The following NAALADL2 variants were observed in gnomAD, a reference collection of about 807,000 sequenced individuals.
The protein encoded by NAALADL2 is N-acetylated alpha-linked acidic dipeptidase like 2.
Under a neutral mutation model 87.2 loss-of-function variants are expected in NAALADL2, and 76 were observed. That is an observed-to-expected ratio of 0.87 (90% CI 0.72 to 1.05). NAALADL2 has a LOEUF of 1.05. Ranked by LOEUF, NAALADL2 falls within the 50% of genes least tolerant of loss-of-function variation. The pLI is 0.00. For synonymous variants in NAALADL2, 354 were observed against 331.0 expected (o/e 1.07, Z -0.75); for missense variants, 1,089 against 945.8 (o/e 1.15, Z -1.99).
rs191526566 is a variant in NAALADL2, at chr3:174,822,387, A to C, written c.-9+84641A>C. 3.7e-3 allele frequency among the ~76,000 whole-genome samples: 556 copies of C among 152,310 alleles called. 3 individuals carry two copies. The highest frequency in any genetic ancestry group is 0.02 in the Middle Eastern group (6 of 294). On this transcript the variant is annotated intron_variant, in intron 3 of 3. Coordinates refer to the NAALADL2 transcript ENST00000434257. ...AGCTAGAAGTCTGGAATTTTATGGG[A>C]AATCATATAAAAATATTGGACCAGT...
intron 3 of NAALADL2, among the ~76,000 whole-genome samples, chr3:174,784,160 AGTTT>A (rs1195954863): frequency 2.6e-5 from 4 of 152,144 alleles, no homozygotes; most frequent in Admixed American, 6.6e-5. Flanking sequence ...TTACTTAGCT[AGTTT>A]GTTTATTAGT....
intron 1 of NAALADL2, among the ~76,000 whole-genome samples, chr3:174,897,226 G>A (rs1731652829): frequency 6.6e-6 from 1 of 152,088 alleles, no homozygotes; most frequent in African/African-American, 2.4e-5. Context: ...TAAGTGAAGA[G>A]ACAACCCATA....
chr3:175,743,193 G>C (rs919684944), intron 12 of NAALADL2, among the ~76,000 whole-genome samples: 1 of 152,076 alleles, frequency 6.6e-6, no homozygotes, highest in African/African-American at 2.4e-5. Context: ...TAGAGATGGG[G>C]TTTCACCATG....
intron 5 of NAALADL2, among the ~76,000 whole-genome samples, chr3:175,386,175 A>G (rs1309541278): frequency 6.6e-6 from 1 of 152,032 alleles, no homozygotes; most frequent in African/African-American, 2.4e-5. Flanking sequence ...GGTTTGATAG[A>G]ATCATACAAA....
intron 9 of NAALADL2, among the ~76,000 whole-genome samples, chr3:175,563,691 G>A (rs1026916213): frequency 2.0e-5 from 3 of 152,176 alleles, no homozygotes; most frequent in African/African-American, 4.8e-5. Context: ...TCAAAAACAT[G>A]TAGGAGAGGC....
intron 1 of NAALADL2, among the ~76,000 whole-genome samples, chr3:174,471,756 C>G (rs1039028777): frequency 1.3e-5 from 2 of 151,842 alleles, no homozygotes; most frequent in African/African-American, 4.8e-5. Flanking sequence ...AATATTTTTT[C>G]TCATAACATT....
chr3:175,655,995 A>G (rs1416060494), intron 11 of NAALADL2, among the ~76,000 whole-genome samples: 2 of 152,190 alleles, frequency 1.3e-5, no homozygotes, highest in Non-Finnish European at 2.9e-5. Context: ...TGAATTTTCC[A>G]TATAAGGTGG....
chr3:175,505,372 A>G (rs969582789), intron 9 of NAALADL2, among the ~76,000 whole-genome samples: 12 of 152,140 alleles, frequency 7.9e-5, no homozygotes, highest in Non-Finnish European at 1.8e-4. Context: ...CAAAAACTAC[A>G]TGACAGACCC....
At chr3:175,174,844 ACACAC>A (rs1400248294) in intron 2 of NAALADL2, among the ~76,000 whole-genome samples, 1 of 17,522 alleles carries the variant, frequency 5.7e-5, no homozygotes, top group Non-Finnish European at 3.3e-4. Flanking sequence ...ATGCACACAG[ACACAC>A]ACACACACAC....
intron 2 of NAALADL2, among the ~76,000 whole-genome samples, chr3:174,574,090 A>T (rs994652428): frequency 6.6e-6 from 1 of 152,170 alleles, no homozygotes; most frequent in Admixed American, 6.6e-5. Context: ...TAAATTTTGA[A>T]TAGTTTTCTG....
At chr3:175,502,231 GTGT>G (rs1560662919) in intron 9 of NAALADL2, among the ~76,000 whole-genome samples, 36 of 104,732 alleles carry the variant, frequency 3.4e-4, no homozygotes, top group African/African-American at 1.6e-3. Flanking sequence ...TATCCTGGGT[GTGT>G]GTGTGTGTGT....
intron 2 of NAALADL2, among the ~76,000 whole-genome samples, chr3:174,705,715 G>A (rs1427021544): frequency 6.6e-6 from 1 of 151,054 alleles, no homozygotes; most frequent in Non-Finnish European, 1.5e-5. Flanking sequence ...CCCGGGAGGC[G>A]GAGCTTGCAG....
intron 5 of NAALADL2, among the ~76,000 whole-genome samples, chr3:175,380,305 A>C (rs562050835): frequency 5.3e-5 from 8 of 152,250 alleles, no homozygotes; most frequent in African/African-American, 1.9e-4. Flanking sequence ...TTGCCCTAGA[A>C]TGTGCATTTT....
chr3:175,093,416 T>TATATATATATATA lies in NAALADL2; in HGVS notation c.44-3374_44-3373insATATATATATATA, dbSNP rs1489640629. Reference sequence around the variant, plus strand: ...TTTTTGTTGAGTTCATTTTATTTTTTTATATATATATATATATGTTTTAAG... The same window carrying TATATATATATATA: ...TTTTTGTTGAGTTCATTTTATTTTTTATATATATATATATATATATATATATATATGTTTTAAG... On this transcript the variant is annotated intron_variant, in intron 1 of 13. Transcript: ENST00000454872. Among the ~76,000 whole-genome samples, 85 of 139,504 alleles carry TATATATATATATA rather than the reference T, an allele frequency of 6.1e-4. 1 individual carries two copies. The highest frequency in any genetic ancestry group is 2.6e-3 in the South Asian group (12 of 4,654). The allele number at this position is 139,504 out of a possible 152,430, so 91.5% of individuals were successfully genotyped here. A position where few individuals can be genotyped will look rare whatever the true frequency, so the allele number is the denominator to read the frequency against.
At chr3:175,547,230 A>T (rs1034949868) in intron 9 of NAALADL2, among the ~76,000 whole-genome samples, 3 of 152,072 alleles carry the variant, frequency 2.0e-5, no homozygotes, top group Non-Finnish European at 2.9e-5. Flanking sequence ...ACATAGACCA[A>T]TGGAATAGAA....
rs1011071708 is a variant in NAALADL2, at chr3:175,525,583, A to AT, written c.1654-50448dup. The stretch of plus-strand genomic sequence containing the variant: ...TCCTCAATAATTATTTTGAAAAAGG[A>AT]TTTTTTTTTTGTCAGATGCATTTGA... On this transcript the variant is annotated intron_variant, in intron 9 of 13. Transcript: ENST00000454872. Among the ~76,000 whole-genome samples, 780 of 149,832 alleles carry AT rather than the reference A, an allele frequency of 5.2e-3. 5 individuals carry two copies. The highest frequency in any genetic ancestry group is 0.017 in the African/African-American group (699 of 41,040).
intron 5 of NAALADL2, among the ~76,000 whole-genome samples, chr3:175,373,658 T>G (rs924748558): frequency 1.3e-5 from 2 of 152,224 alleles, no homozygotes; most frequent in African/African-American, 4.8e-5. Context: ...ACATAGATTT[T>G]CTTTTCTGTT....
At chr3:174,777,097 C>T (rs1289310476) in intron 3 of NAALADL2, among the ~76,000 whole-genome samples, 1 of 152,036 alleles carries the variant, frequency 6.6e-6, no homozygotes, top group East Asian at 1.9e-4. Flanking sequence ...ATAATCTTTT[C>T]AAGGGACAGA....
chr3:175,666,080 C>G (rs552497768), intron 11 of NAALADL2, among the ~76,000 whole-genome samples: 138 of 152,262 alleles, frequency 9.1e-4, no homozygotes, highest in Non-Finnish European at 1.6e-3. Flanking sequence ...AAAACTGGCT[C>G]ATGAAAATTC....
Sources: allele counts gnomAD v4.1 joint callset (sites outside exome capture counted in the v4.1 genomes callset), GRCh38; gene constraint gnomAD v4.1.1; transcripts MANE v1.5; gene names NCBI Gene and HGNC (gene_info 2026-07-23, HGNC 2026-07-21).